RSKR: variants seen among roughly 807,000 people sequenced by gnomAD.
RSKR encodes the protein ribosomal protein S6 kinase related, also known as ribosomal protein S6 kinase-related protein.
In RSKR, 44 loss-of-function variants were observed where a neutral mutation model predicts 56.8. The ratio of observed to expected loss-of-function variants is 0.77; its 90% CI spans 0.61 to 1.00. The LOEUF (loss-of-function observed/expected upper bound fraction) is 1.00, where lower values mean the gene tolerates loss of function less well. Ranked by LOEUF, RSKR falls within the 50% of genes least tolerant of loss-of-function variation. RSKR has a pLI of 0.00. For missense variants in RSKR, 510 were observed against 506.9 expected (o/e 1.01, Z -0.06); for synonymous variants, 181 against 188.0 (o/e 0.96, Z 0.30).
In RSKR at chr17:28,612,098, G is replaced by A. The variant is rs372904091; in HGVS notation, c.653-14C>T. The A allele has an allele frequency of 5.8e-5, 94 of 1,614,094 alleles. No homozygotes were observed. The African/African-American group carries it at 1.2e-3, about 20-fold the overall frequency. Reference sequence around the variant, plus strand: ...CATGGAGATAACCTGTGGATAACAAGTATGGGGTATGCTGCAGCTTTTCTG... The same window carrying A: ...CATGGAGATAACCTGTGGATAACAAATATGGGGTATGCTGCAGCTTTTCTG... On this transcript the variant is annotated splice_polypyrimidine_tract_variant and intron_variant, in intron 6 of 11. Coordinates refer to ENST00000301037, the MANE Select transcript of RSKR (RefSeq NM_001174103.2).
chr17:28,611,641 G>C lies in RSKR; in HGVS notation c.737C>G (p.Thr246Arg), dbSNP rs760640280. 6.9e-6 allele frequency: 11 copies of C among 1,584,454 alleles called. No homozygotes were observed. The highest frequency in any genetic ancestry group is 9.4e-6 in the Non-Finnish European group (11 of 1,166,606). ...LLDERGHLKLTDFGLSRHVPQ... is the reference protein window; with the variant it reads ...LLDERGHLKLRDFGLSRHVPQ... ...CACGTGGCGGGACAGACCAAAGTCT[G>C]TCAGTTTCAGATGGCCTATGAAAGA... The change falls in exon 9 of 12, where the codon ACA becomes AGA. Residue 246 changes from threonine (T) to arginine (R), a missense_variant. Physicochemically the swap from Thr to Arg is moderately conservative, Grantham distance 71. Transcript: ENST00000301037.
In RSKR at chr17:28,609,476, A is replaced by C. The variant is rs1019033267; in HGVS notation, c.*1002T>G. On this transcript the variant is annotated 3_prime_UTR_variant, in exon 12 of 12. Coordinates refer to ENST00000301037, the MANE Select transcript of RSKR (RefSeq NM_001174103.2). Reference sequence around the variant, plus strand: ...TAGACCTAGAGAAGACATTTAACCCACCCATGTTTCAGTTTCTATTTTCTT... The same window carrying C: ...TAGACCTAGAGAAGACATTTAACCCCCCCATGTTTCAGTTTCTATTTTCTT... 3.3e-5 allele frequency: 5 copies of C among 151,808 alleles called. No individual in the cohort carries two copies. Among genetic ancestry groups the C allele is most frequent in the Admixed American group, 2.0e-4 (3 of 15,244 alleles). 9.4% of individuals were successfully genotyped at this position (151,808 alleles called of 1,614,324 possible).
chr17:28,613,795 A>G, intron 1 of RSKR, 107 bp from the exon 2 acceptor site: 1 of 1,471,628 alleles, frequency 6.8e-7, no homozygotes, highest in Non-Finnish European at 9.1e-7. Context: ...CTAGAGGTAC[A>G]TTTTTGAGCA....
At chr17:28,611,721 A>G (rs1252661230) in intron 8 of RSKR, 47 bp downstream of exon 8, 3 of 1,613,898 alleles carry the variant, frequency 1.9e-6, no homozygotes, top group Non-Finnish European at 2.5e-6. Context: ...TTTATTCCCA[A>G]ACCAAAGTAC....
chr17:28,608,309 T>C lies in RSKR; in HGVS notation c.*2169A>G, dbSNP rs2070769688. The C allele has an allele frequency of 6.6e-6, 1 of 152,196 alleles. No individual in the cohort carries two copies. Among genetic ancestry groups the C allele is most frequent in the Admixed American group, 6.5e-5 (1 of 15,280 alleles). 9.4% of individuals were successfully genotyped at this position (152,196 alleles called of 1,614,324 possible). ...TTCTCCCACGCATTCTTAAATAGAA[T>C]ATTATGAACTGTTACGATAAACACC... is the stretch of plus-strand genomic sequence containing the variant. On this transcript the variant is annotated 3_prime_UTR_variant, in exon 12 of 12. Transcript: ENST00000301037.
chr17:28,608,467 C>T lies in RSKR; in HGVS notation c.*2011G>A, dbSNP rs2070771698. 1 of 152,120 alleles carries T rather than the reference C, an allele frequency of 6.6e-6. No individual in the cohort carries two copies. The highest frequency in any genetic ancestry group is 2.4e-5 in the African/African-American group (1 of 41,416). The allele number at this position is 152,120 out of a possible 1,614,324, so 9.4% of individuals were successfully genotyped here. A position where few individuals can be genotyped will look rare whatever the true frequency, so the allele number is the denominator to read the frequency against. ...TCTCCTGGGTTCAAGCAATTCTTCCCCCTCAGCCTCCTGAGTAGCTGGGAC... is the reference window on the plus strand; with the variant it reads ...TCTCCTGGGTTCAAGCAATTCTTCCTCCTCAGCCTCCTGAGTAGCTGGGAC... On this transcript the variant is annotated 3_prime_UTR_variant, in exon 12 of 12. Transcript: ENST00000301037.
At position 28,613,529 on chromosome 17, in the gene RSKR, GCTTCT is replaced by G; in HGVS notation, c.230_234del (p.Glu77AlafsTer21). 6.2e-7 allele frequency: 1 copy of G among 1,614,216 alleles called. No homozygotes were observed. Among genetic ancestry groups the G allele is most frequent in the Non-Finnish European group, 8.5e-7 (1 of 1,180,032 alleles). On this transcript the variant is annotated frameshift_variant, in exon 2 of 12. Coordinates refer to ENST00000301037, the MANE Select transcript of RSKR (RefSeq NM_001174103.2). LOFTEE classifies it high-confidence loss of function. ...TGAGGCACTGGCCACTCTGGCAGAGGCTTCTCTACCAGTACTGGGGCTGGCTTTAG... is the reference window on the plus strand; with the variant it reads ...TGAGGCACTGGCCACTCTGGCAGAGGCTACCAGTACTGGGGCTGGCTTTAG...
chr17:28,610,767 A>G (rs1404619397), intron 11 of RSKR, 68 bp from the exon 12 acceptor site: 2 of 1,409,440 alleles, frequency 1.4e-6, no homozygotes, highest in Non-Finnish European at 1.9e-6. Context: ...AAGGATGGAA[A>G]AGAAGAAAGA....
In RSKR at chr17:28,608,175, G is replaced by A. The variant is rs1225785834; in HGVS notation, c.*2303C>T. On this transcript the variant is annotated 3_prime_UTR_variant, in exon 12 of 12. Transcript: ENST00000301037. ...GTAGACCACAAATTGGGCTCTAAAT[G>A]GTCTAGTATCAGTACAAACAGAAAA... is the stretch of plus-strand genomic sequence containing the variant. 1.3e-5 allele frequency: 2 copies of A among 152,112 alleles called. No individual in the cohort carries two copies. Among genetic ancestry groups the A allele is most frequent in the African/African-American group, 2.4e-5 (1 of 41,410 alleles). 9.4% of individuals were successfully genotyped at this position (152,112 alleles called of 1,614,324 possible).
chr17:28,612,552 G>A (rs2070832436), intron 5 of RSKR, 66 bp downstream of exon 5: 1 of 1,544,788 alleles, frequency 6.5e-7, no homozygotes, highest in Non-Finnish European at 8.9e-7. Context: ...AAGCCAAAGA[G>A]GTAATCTCAG....
chr17:28,613,946 T>C, intron 1 of RSKR, 141 bp downstream of exon 1: 1 of 1,129,058 alleles, frequency 8.9e-7, no homozygotes, highest in Non-Finnish European at 1.3e-6. Flanking sequence ...TATTGGGCTG[T>C]GATGCTTTCA....
At chr17:28,612,501 A>G in intron 5 of RSKR, 117 bp downstream of exon 5, 1 of 1,389,464 alleles carries the variant, frequency 7.2e-7, no homozygotes, top group East Asian at 2.4e-5. Context: ...CCTTTGGGAC[A>G]GAGAGGTGCC....
intron 7 of RSKR, 56 bp from the exon 8 acceptor site, chr17:28,611,851 C>T: frequency 1.2e-6 from 2 of 1,613,566 alleles, no homozygotes; most frequent in South Asian, 1.1e-5. Context: ...TCTCTTTCAT[C>T]ATGTATACAC....
At position 28,612,675 on chromosome 17, in the gene RSKR, G is replaced by A. The variant is rs1311554845; in HGVS notation, c.490C>T (p.His164Tyr). The change falls in exon 5 of 12, where the codon CAT becomes TAT. Residue 164 changes from histidine to tyrosine, a missense_variant. Physicochemically the swap from His to Tyr is moderately conservative, Grantham distance 83 (BLOSUM62 2). Transcript: ENST00000301037. ...EEVSIQRQIN[H>Y]PFVHSLGDSW... is the part of the protein sequence containing the mutation. The stretch of plus-strand genomic sequence containing the variant: ...TCCCCCAAGCTGTGTACAAAGGGAT[G>A]GTTGATCTGTCGCTAGGAACAAAGA... 2 of 1,614,184 alleles carry A rather than the reference G, an allele frequency of 1.2e-6. No homozygotes were observed. Among genetic ancestry groups the A allele is most frequent in the Non-Finnish European group, 1.7e-6 (2 of 1,180,022 alleles).
chr17:28,609,766 G>T lies in RSKR; in HGVS notation c.*712C>A, dbSNP rs1157664047. ...AAAAAAAAAAAAAAAAAAAAAAAAA[G>T]GGTCTGGTGCAGTGGCTCACACCTA... is the stretch of plus-strand genomic sequence containing the variant. On this transcript the variant is annotated 3_prime_UTR_variant, in exon 12 of 12. Transcript: ENST00000301037. The T allele has an allele frequency of 2.4e-4, 32 of 133,254 alleles. No homozygotes were observed. The highest frequency in any genetic ancestry group is 7.2e-4 in the African/African-American group (26 of 35,996). The allele number at this position is 133,254 out of a possible 1,614,324, so 8.3% of individuals were successfully genotyped here. A position where few individuals can be genotyped will look rare whatever the true frequency, so the allele number is the denominator to read the frequency against.
In RSKR at chr17:28,612,665, A is replaced by C; in HGVS notation, c.500T>G (p.Val167Gly). The change falls in exon 5 of 12, where the codon GTA becomes GGA. Residue 167 changes from valine (V) to glycine (G), a missense_variant. By Grantham distance (109) the Val-to-Gly change is moderately radical. Coordinates refer to ENST00000301037, the MANE Select transcript of RSKR (RefSeq NM_001174103.2). ...CTGCCAGCTGTCCCCCAAGCTGTGT[A>C]CAAAGGGATGGTTGATCTGTCGCTA... The part of the protein sequence containing the change: ...SIQRQINHPF[V>G]HSLGDSWQGK... 1 of 1,614,218 alleles carries C rather than the reference A, an allele frequency of 6.2e-7. No homozygotes were observed. The highest frequency in any genetic ancestry group is 8.5e-7 in the Non-Finnish European group (1 of 1,180,030).
intron 8 of RSKR, 52 bp from the exon 9 acceptor site, chr17:28,611,708 T>C (rs962166254): frequency 1.5e-5 from 24 of 1,613,550 alleles, no homozygotes; most frequent in Middle Eastern, 3.3e-4. Context: ...TCATCAGCCA[T>C]GATTTATTCC....
Position 28,611,151 on chromosome 17 carries a change from G to A in RSKR, c.1003C>T (p.Leu335Phe), listed in dbSNP as rs1420006587. 6.5e-7 allele frequency: 1 copy of A among 1,536,078 alleles called. No individual in the cohort carries two copies. The highest frequency in any genetic ancestry group is 2.4e-5 in the East Asian group (1 of 40,908). Residue 335 changes from leucine (L) to phenylalanine (F), a missense_variant, in exon 11 of 12, where the codon CTC (leucine) becomes TTC (phenylalanine). Transcript: ENST00000301037. ...ASLNQGLSLLLHELLCQNPLH... is the reference protein window; with the variant it reads ...ASLNQGLSLLFHELLCQNPLH... Reference sequence around the variant, plus strand: ...GCAGTGCTCATCCTTACCTCATGGAGCAGGAGTGAGAGGCCCTGGTTAAGA... The same window carrying A: ...GCAGTGCTCATCCTTACCTCATGGAACAGGAGTGAGAGGCCCTGGTTAAGA...
At position 28,612,663 on chromosome 17, in the gene RSKR, GTACAAAGGGATGGTTGATCTGTCGC is replaced by G. The variant is rs1332047307; in HGVS notation, c.478-1_501del. The stretch of plus-strand genomic sequence containing the variant: ...CCCTGCCAGCTGTCCCCCAAGCTGT[GTACAAAGGGATGGTTGATCTGTCGC>G]TAGGAACAAAGAAAACAGGAAGTTA... On this transcript the variant is annotated splice_acceptor_variant and coding_sequence_variant, in exon 5 of 12. Transcript: ENST00000301037. LOFTEE classifies it high-confidence loss of function. The G allele has an allele frequency of 6.2e-7, 1 of 1,614,066 alleles. No homozygotes were observed. The highest frequency in any genetic ancestry group is 1.3e-5 in the African/African-American group (1 of 74,926).
Sources: gnomAD v4.1 joint callset for allele counts on GRCh38, gnomAD v4.1.1 for gene constraint, MANE v1.5 for transcripts, NCBI Gene and HGNC (gene_info 2026-07-23, HGNC 2026-07-21) for gene names.